SPATA1: variants seen among roughly 807,000 people sequenced by gnomAD.
The protein encoded by SPATA1 is spermatogenesis-associated protein 1.
Under a neutral mutation model 59.6 loss-of-function variants are expected in SPATA1, and 57 were observed. That is an observed-to-expected ratio of 0.96 (90% CI 0.77 to 1.19). The LOEUF (loss-of-function observed/expected upper bound fraction) is 1.19, where lower values mean the gene tolerates loss of function less well. SPATA1 is among the 50% of genes most tolerant of loss of function. The pLI, the probability that SPATA1 is intolerant of heterozygous loss-of-function variation, is 0.00. For synonymous variants in SPATA1, 147 were observed against 163.9 expected (o/e 0.90, Z 0.79); for missense variants, 448 against 480.7 (o/e 0.93, Z 0.64).
chr1:84,537,114 G>A (rs2101983353), intron 8 of SPATA1, among the ~76,000 whole-genome samples: 1 of 151,930 alleles, frequency 6.6e-6, no homozygotes, highest in East Asian at 1.9e-4. Context: ...TCCTGACCTC[G>A]TGATCCACCT....
At chr1:84,542,971 C>T (rs183274434) in intron 8 of SPATA1, among the ~76,000 whole-genome samples, 187 of 152,036 alleles carry the variant, frequency 1.2e-3, no homozygotes, top group African/African-American at 4.1e-3. Context: ...TACATATATA[C>T]CTATGACAAA....
At chr1:84,509,673 G>A (rs896252418) in intron 1 of SPATA1, among the ~76,000 whole-genome samples, 1 of 152,222 alleles carries the variant, frequency 6.6e-6, no homozygotes. Context: ...AGCTGAGGCA[G>A]GAGAATCACT....
At chr1:84,510,831 A>G (rs192128139) in intron 1 of SPATA1, among the ~76,000 whole-genome samples, 2 of 152,260 alleles carry the variant, frequency 1.3e-5, no homozygotes, top group East Asian at 3.8e-4. Context: ...CCGTTCCGCC[A>G]TAAAAAAGAA....
At chr1:84,513,315 A>G (rs1682653882) in intron 1 of SPATA1, among the ~76,000 whole-genome samples, 1 of 152,130 alleles carries the variant, frequency 6.6e-6, no homozygotes, top group Non-Finnish European at 1.5e-5. Context: ...TTGTATTTTT[A>G]GTAGAGATGG....
intron 8 of SPATA1, among the ~76,000 whole-genome samples, chr1:84,538,640 TAGAG>T (rs1277861671): frequency 6.6e-6 from 1 of 152,198 alleles, no homozygotes; most frequent in East Asian, 1.9e-4. Flanking sequence ...TTGGAATTTG[TAGAG>T]AGATTTACTG....
downstream of SPATA1, among the ~76,000 whole-genome samples, chr1:84,557,488 G>A (rs1474582331): frequency 7.3e-6 from 1 of 137,364 alleles, no homozygotes; most frequent in East Asian, 2.1e-4. Flanking sequence ...AGCCGAGATC[G>A]TGCCACTGCA....
downstream of SPATA1, among the ~76,000 whole-genome samples, chr1:84,558,426 A>C (rs1684517517): frequency 6.7e-6 from 1 of 149,952 alleles, no homozygotes; most frequent in Admixed American, 6.6e-5. Flanking sequence ...AGTAGCTGGG[A>C]CTACAGGCGC....
At chr1:84,557,678 A>G (rs1226461008), downstream of SPATA1, among the ~76,000 whole-genome samples, 1 of 151,478 alleles carries the variant, frequency 6.6e-6, no homozygotes, top group Non-Finnish European at 1.5e-5. Flanking sequence ...ACACAGTGAA[A>G]CCCCGTCTCT....
At chr1:84,549,226 T>C (rs968800110) in intron 11 of SPATA1, among the ~76,000 whole-genome samples, 2 of 152,252 alleles carry the variant, frequency 1.3e-5, no homozygotes, top group East Asian at 3.9e-4. Context: ...CTTCTAATAG[T>C]AGCAATAGAG....
At chr1:84,520,513 C>A in intron 2 of SPATA1, 72 bp from the exon 3 acceptor site, 1 of 893,342 alleles carries the variant, frequency 1.1e-6, no homozygotes, top group Non-Finnish European at 1.6e-6. Flanking sequence ...AAACTTAATT[C>A]TATAGGACAT....
chr1:84,521,343 C>T (rs1683017779), intron 3 of SPATA1, among the ~76,000 whole-genome samples: 1 of 152,160 alleles, frequency 6.6e-6, no homozygotes, highest in Non-Finnish European at 1.5e-5. Context: ...CACAAAAAGA[C>T]ACATAATACC....
downstream of SPATA1, among the ~76,000 whole-genome samples, chr1:84,567,328 T>C (rs562665807): frequency 9.5e-4 from 145 of 152,226 alleles, no homozygotes; most frequent in Admixed American, 2.4e-3. Context: ...GAGAGGTATA[T>C]TATAGTAATA....
At chr1:84,552,578 A>T (rs1684309027) in intron 12 of SPATA1, 1 of 152,376 alleles carries the variant, frequency 6.6e-6, no homozygotes, top group South Asian at 2.1e-4. Flanking sequence ...ATAAGAGACT[A>T]ATACACTTAG....
At chr1:84,550,153 CTTGCTA>C (rs1684228192) in intron 11 of SPATA1, 1 of 202,734 alleles carries the variant, frequency 4.9e-6, no homozygotes, top group Non-Finnish European at 9.9e-6. Context: ...ATTTTAAAGT[CTTGCTA>C]ATAACTAAGA....
At chr1:84,552,887 G>A (rs1372463368) in intron 12 of SPATA1, 4 of 591,290 alleles carry the variant, frequency 6.8e-6, no homozygotes, top group Middle Eastern at 3.0e-4. Flanking sequence ...CACATTTACT[G>A]TAGTAATCCA....
exon 5 of SPATA1, chr1:84,566,109 C>T (rs1321593502): frequency 4.7e-6 from 3 of 636,474 alleles, no homozygotes; most frequent in African/African-American, 3.8e-5. Context: ...TTATACTACA[C>T]AAGGAAAAGG....
chr1:84,550,683 A>T, intron 12 of SPATA1, 153 bp downstream of exon 12: 1 of 1,205,270 alleles, frequency 8.3e-7, no homozygotes, highest in Non-Finnish European at 1.0e-6. Context: ...AGGTGAAAAA[A>T]AAAATGCAGG....
At chr1:84,526,064 C>A in exon 6 of SPATA1, 2 of 1,607,246 alleles carry the variant, frequency 1.2e-6, no homozygotes, top group South Asian at 1.1e-5. Context: ...TAACAAGAAT[C>A]AGGAAGAAGG....
intron 6 of SPATA1, among the ~76,000 whole-genome samples, chr1:84,531,047 T>C (rs1683443862): frequency 6.6e-6 from 1 of 152,186 alleles, no homozygotes; most frequent in Admixed American, 6.5e-5. Context: ...TATTGTTTCT[T>C]TTTATGGGTG....
Sources: allele counts gnomAD v4.1 joint callset (sites outside exome capture counted in the v4.1 genomes callset), GRCh38; gene constraint gnomAD v4.1.1; transcripts MANE v1.5; gene names NCBI Gene and HGNC (gene_info 2026-07-23, HGNC 2026-07-21).